Variants in PIK3C2G observed in about 807,000 individuals in gnomAD.
The protein encoded by PIK3C2G is phosphatidylinositol-4-phosphate 3-kinase catalytic subunit type 2 gamma, also known as phosphatidylinositol 3-kinase C2 domain-containing subunit gamma.
A neutral mutation model predicts 181.1 loss-of-function variants in PIK3C2G; 168 were observed. That is an observed-to-expected ratio of 0.93 (90% CI 0.82 to 1.05). The LOEUF is 1.05. Among genes scored for constraint, PIK3C2G ranks in the 50% least tolerant of loss-of-function variants. The pLI is 0.00. For missense variants in PIK3C2G, 1,869 were observed against 1,732.8 expected (o/e 1.08, Z -1.40); for synonymous variants, 573 against 592.2 (o/e 0.97, Z 0.47).
chr12:18,420,896 T>C (rs1197695697), intron 16 of PIK3C2G, 45 bp from the exon 17 acceptor site: 1 of 996,988 alleles, frequency 1.0e-6, no homozygotes, highest in Non-Finnish European at 1.6e-6. Flanking sequence ...TTATGCATTA[T>C]TCCTTACCAT....
intron 28 of PIK3C2G, among the ~76,000 whole-genome samples, chr12:18,566,694 G>T (rs1359098679): frequency 6.6e-6 from 1 of 152,000 alleles, no homozygotes; most frequent in Non-Finnish European, 1.5e-5. Flanking sequence ...CATAAATATA[G>T]TAAGAAGGGA....
chr12:18,497,215 G>A (rs144499674), intron 21 of PIK3C2G, among the ~76,000 whole-genome samples: 68 of 152,218 alleles, frequency 4.5e-4, no homozygotes, highest in African/African-American at 1.5e-3. Context: ...GCATATCGGT[G>A]CATAAATTTA....
intron 9 of PIK3C2G, among the ~76,000 whole-genome samples, chr12:18,341,444 A>G (rs577456155): frequency 6.6e-6 from 1 of 152,266 alleles, no homozygotes; most frequent in East Asian, 1.9e-4. Flanking sequence ...CTATATTTTG[A>G]TAAGACTAAA....
chr12:18,624,903 TTTTAA>T (rs766040268), intron 31 of PIK3C2G, among the ~76,000 whole-genome samples: 4 of 151,620 alleles, frequency 2.6e-5, no homozygotes, highest in Non-Finnish European at 3.0e-5. Flanking sequence ...TAATTTCTGA[TTTTAA>T]TTTGAGTCCT....
At chr12:18,418,342 A>C (rs185399568) in intron 16 of PIK3C2G, among the ~76,000 whole-genome samples, 3 of 152,150 alleles carry the variant, frequency 2.0e-5, no homozygotes, top group Admixed American at 6.6e-5. Flanking sequence ...GTTTTCCAGC[A>C]GAAGTTACAG....
chr12:18,474,027 T>C (rs1335882234), intron 18 of PIK3C2G, among the ~76,000 whole-genome samples: 1 of 152,200 alleles, frequency 6.6e-6, no homozygotes, highest in African/African-American at 2.4e-5. Context: ...AAAATATTTA[T>C]GAAATCTGGA....
intron 5 of PIK3C2G, among the ~76,000 whole-genome samples, chr12:18,303,243 C>T (rs1950281291): frequency 6.8e-6 from 1 of 147,746 alleles, no homozygotes; most frequent in Non-Finnish European, 1.5e-5. Context: ...CTTTCTCTCT[C>T]CTTCCTTCCT....
At chr12:18,654,417 T>C in the PIK3C2G span, among the ~76,000 whole-genome samples, 18 of 152,238 alleles carry the variant, frequency 1.2e-4, no homozygotes, top group Middle Eastern at 3.4e-3. Flanking sequence ...AGTATCAGCA[T>C]TATTGTAAGA....
At chr12:18,564,792 T>A (rs1945533080) in intron 28 of PIK3C2G, among the ~76,000 whole-genome samples, 1 of 152,158 alleles carries the variant, frequency 6.6e-6, no homozygotes, top group Non-Finnish European at 1.5e-5. Context: ...TCAACATCAA[T>A]GTTTGCCATG....
intron 12 of PIK3C2G, among the ~76,000 whole-genome samples, chr12:18,364,070 A>G (rs1169779918): frequency 6.6e-6 from 1 of 152,234 alleles, no homozygotes; most frequent in Admixed American, 6.5e-5. Flanking sequence ...TTAGCAAAGC[A>G]CACAAGGCCT....
chr12:18,627,387 GTCA>G (rs1949150063), intron 31 of PIK3C2G, among the ~76,000 whole-genome samples: 1 of 151,984 alleles, frequency 6.6e-6, no homozygotes, highest in Non-Finnish European at 1.5e-5. Flanking sequence ...TTCTTTGGGC[GTCA>G]TTGCTGGAGC....
chr12:18,718,508 T>C, the PIK3C2G span, among the ~76,000 whole-genome samples: 2 of 152,284 alleles, frequency 1.3e-5, no homozygotes, highest in African/African-American at 2.4e-5. Context: ...TCATTCACCA[T>C]TGACTTGTCT....
intron 21 of PIK3C2G, 67 bp from the exon 22 acceptor site, chr12:18,497,552 G>T: frequency 7.7e-7 from 1 of 1,301,984 alleles, no homozygotes; most frequent in South Asian, 1.3e-5. Context: ...GACATGTACT[G>T]TATTTGACTG....
intron 29 of PIK3C2G, among the ~76,000 whole-genome samples, chr12:18,572,499 TA>T (rs1946007520): frequency 6.6e-6 from 1 of 151,272 alleles, no homozygotes; most frequent in South Asian, 2.1e-4. Flanking sequence ...TATATATAAA[TA>T]TAATCTGCTG....
At chr12:18,556,040 G>T (rs1472387325) in intron 26 of PIK3C2G, among the ~76,000 whole-genome samples, 3 of 152,086 alleles carry the variant, frequency 2.0e-5, no homozygotes, top group African/African-American at 7.2e-5. Context: ...GCAGAAATTT[G>T]GTTTCTCTTC....
At chr12:18,398,446 A>G (rs948164775) in intron 15 of PIK3C2G, among the ~76,000 whole-genome samples, 1 of 152,192 alleles carries the variant, frequency 6.6e-6, no homozygotes, top group Admixed American at 6.5e-5. Context: ...ACAGATGAGG[A>G]AAACTTTAAA....
intron 24 of PIK3C2G, among the ~76,000 whole-genome samples, chr12:18,524,918 G>A (rs1489801634): frequency 6.6e-6 from 1 of 151,994 alleles, no homozygotes; most frequent in African/African-American, 2.4e-5. Context: ...AAGATTAAAT[G>A]AATTGATATC....
At position 18,346,720 on chromosome 12, in the gene PIK3C2G, A is replaced by T. The variant is rs1186408650; in HGVS notation, c.1509A>T (p.Ala503=). The change falls in exon 11 of 33, where the codon GCA becomes GCT. Residue 503 remains alanine (A), a synonymous_variant. Coordinates refer to ENST00000538779, the MANE Select transcript of PIK3C2G (RefSeq NM_001288772.2). ...LINVYCNSFY[A]DFQPVNVPRC... ...ATGTCTACTGTAACAGCTTTTATGC[A>T]GATTTTCAGCCTGTAAATGTACCTA... The T allele has an allele frequency of 1.2e-6, 2 of 1,613,320 alleles. No homozygotes were observed. Among genetic ancestry groups the T allele is most frequent in the East Asian group, 2.2e-5 (1 of 44,862 alleles).
chr12:18,286,952 A>G (rs1156754110), intron 3 of PIK3C2G, 23 bp downstream of exon 3: 2 of 1,328,386 alleles, frequency 1.5e-6, no homozygotes, highest in South Asian at 1.4e-5. Flanking sequence ...ATTTCATTAA[A>G]CTTTGAAATT....
Sources: gnomAD v4.1 joint callset for allele counts (sites outside exome capture counted in the v4.1 genomes callset) on GRCh38, gnomAD v4.1.1 for gene constraint, MANE v1.5 for transcripts, NCBI Gene and HGNC (gene_info 2026-07-23, HGNC 2026-07-21) for gene names.